The following ANO10 variants were observed in gnomAD, a reference collection of about 807,000 sequenced individuals.
ANO10 encodes anoctamin 10, also known as anoctamin-10.
ANO10 carries 77 observed loss-of-function variants against 74.7 expected under a neutral mutation model. That is an observed-to-expected ratio of 1.03 (90% CI 0.86 to 1.25). ANO10 has a LOEUF of 1.25. Among genes scored for constraint, ANO10 ranks in the 50% most tolerant of loss-of-function variants. The pLI is 0.00. For synonymous variants in ANO10, 279 were observed against 284.9 expected (o/e 0.98, Z 0.21); for missense variants, 721 against 778.1 (o/e 0.93, Z 0.87).
intron 11 of ANO10, among the ~76,000 whole-genome samples, chr3:43,544,471 T>C (rs1462834403): frequency 6.6e-6 from 1 of 151,866 alleles, no homozygotes; most frequent in Non-Finnish European, 1.5e-5. Context: ...CTCAGTTTCA[T>C]CTGTACTAAA....
intron 1 of ANO10, among the ~76,000 whole-genome samples, chr3:43,663,730 T>C (rs992400093): frequency 2.0e-5 from 3 of 152,068 alleles, no homozygotes; most frequent in Non-Finnish European, 4.4e-5. Context: ...TCACAAGCAT[T>C]CCTATACACC....
chr3:43,379,699 T>C (rs986018436), intron 12 of ANO10, among the ~76,000 whole-genome samples: 2 of 152,146 alleles, frequency 1.3e-5, no homozygotes, highest in Admixed American at 6.5e-5. Context: ...GTGGGCTGCA[T>C]AGGAGCTGGG....
intron 11 of ANO10, among the ~76,000 whole-genome samples, chr3:43,530,178 T>C (rs1439029213): frequency 6.6e-6 from 1 of 151,882 alleles, no homozygotes; most frequent in African/African-American, 2.4e-5. Context: ...ACCTCAAAGA[T>C]CACAATTAAA....
At chr3:43,457,400 A>G (rs940685555) in intron 11 of ANO10, among the ~76,000 whole-genome samples, 2 of 152,200 alleles carry the variant, frequency 1.3e-5, no homozygotes, top group East Asian at 1.9e-4. Flanking sequence ...GAAACTTACA[A>G]TCGTGGCAGA....
At chr3:43,392,175 A>T (rs1162810680) in intron 12 of ANO10, among the ~76,000 whole-genome samples, 2 of 152,064 alleles carry the variant, frequency 1.3e-5, no homozygotes, top group African/African-American at 2.4e-5. Context: ...TTAAAAAAAA[A>T]TTTTATTGTT....
Position 43,499,355 on chromosome 3 carries a change from T to C in ANO10, c.1797+50365A>G, listed in dbSNP as rs142707812. Among the ~76,000 whole-genome samples, 1,319 of 152,176 alleles carry C rather than the reference T, an allele frequency of 8.7e-3. 12 individuals carry two copies. Among genetic ancestry groups the C allele is most frequent in the Non-Finnish European group, 0.014 (925 of 67,978 alleles). ...GTATAGTTCAAATGATATACCTCCA[T>C]AGAAGTACACTGAATGCTCTAGATG... On this transcript the variant is annotated intron_variant, in intron 11 of 12. Coordinates refer to ENST00000292246, the MANE Select transcript of ANO10 (RefSeq NM_018075.5).
intron 12 of ANO10, among the ~76,000 whole-genome samples, chr3:43,398,829 T>TGAG (rs2092428841): frequency 1.3e-5 from 2 of 152,326 alleles, no homozygotes; most frequent in Non-Finnish European, 2.9e-5. Flanking sequence ...TAATAGTATC[T>TGAG]ATCTCATAGA....
At chr3:43,384,482 G>T (rs2092060131) in intron 12 of ANO10, among the ~76,000 whole-genome samples, 1 of 152,104 alleles carries the variant, frequency 6.6e-6, no homozygotes, top group African/African-American at 2.4e-5. Context: ...GCAAGACTAA[G>T]CAAAAAGAAC....
At chr3:43,548,926 G>A (rs766150182) in intron 11 of ANO10, among the ~76,000 whole-genome samples, 7 of 152,092 alleles carry the variant, frequency 4.6e-5, no homozygotes, top group Non-Finnish European at 1.0e-4. Context: ...ATTATCTATC[G>A]TCCTACAAAT....
At chr3:43,620,370 A>G (rs547714048) in intron 1 of ANO10, among the ~76,000 whole-genome samples, 1 of 152,246 alleles carries the variant, frequency 6.6e-6, no homozygotes, top group African/African-American at 2.4e-5. Flanking sequence ...GTACATTCAT[A>G]TACACAAAAA....
rs893811329 is a variant in ANO10 at position 43,471,122 on chromosome 3, C to G, written c.1798-38395G>C. ...GAAGGATGCTATAATGATTTCTTCTCTTACATAACACTGCTGTGGTGACCC... is the reference window on the plus strand; with the variant it reads ...GAAGGATGCTATAATGATTTCTTCTGTTACATAACACTGCTGTGGTGACCC... On this transcript the variant is annotated intron_variant, in intron 11 of 12. Coordinates refer to ENST00000292246, the MANE Select transcript of ANO10 (RefSeq NM_018075.5). 2.0e-5 allele frequency among the ~76,000 whole-genome samples: 3 copies of G among 152,268 alleles called. No homozygotes were observed. In the East Asian group the frequency reaches 5.8e-4, roughly 29 times the overall value.
At chr3:43,569,223 C>T (rs2080553172) in intron 7 of ANO10, among the ~76,000 whole-genome samples, 1 of 130,120 alleles carries the variant, frequency 7.7e-6, no homozygotes, top group Non-Finnish European at 1.6e-5. Flanking sequence ...GAGTCCAGGA[C>T]CAGATGGATT....
Position 43,396,933 on chromosome 3 carries a change from GT to G in ANO10, c.1915-29960del, listed in dbSNP as rs112552941. On this transcript the variant is annotated intron_variant, in intron 12 of 12. Coordinates refer to ENST00000292246, the MANE Select transcript of ANO10 (RefSeq NM_018075.5). ...GTATTTTTTTGTCTCAGGCATTGTAGTTTTTTTTTTTTTGAGATGGAGTTTC... is the reference window on the plus strand; with the variant it reads ...GTATTTTTTTGTCTCAGGCATTGTAGTTTTTTTTTTTTGAGATGGAGTTTC... Among the ~76,000 whole-genome samples, 83 of 144,514 alleles carry G rather than the reference GT, an allele frequency of 5.7e-4. 1 individual carries two copies. The highest frequency in any genetic ancestry group is 3.6e-3 in the Middle Eastern group (1 of 280). 94.8% of individuals were successfully genotyped at this position (144,514 alleles called of 152,430 possible).
At chr3:43,626,268 T>C (rs544541658), upstream of ANO10, among the ~76,000 whole-genome samples, 1 of 151,232 alleles carries the variant, frequency 6.6e-6, no homozygotes, top group East Asian at 2.0e-4. Context: ...GGTTTCTTGT[T>C]TACATCTCAT....
chr3:43,515,830 T>TG (rs756619997), intron 11 of ANO10, among the ~76,000 whole-genome samples: 1 of 152,144 alleles, frequency 6.6e-6, no homozygotes. Flanking sequence ...TACCCCAGCC[T>TG]GGGGCAAGGT....
At chr3:43,524,765 T>A (rs2078115351) in intron 11 of ANO10, among the ~76,000 whole-genome samples, 1 of 152,152 alleles carries the variant, frequency 6.6e-6, no homozygotes, top group Admixed American at 6.6e-5. Context: ...TCTCAATAAC[T>A]GGCCCTCCTC....
intron 11 of ANO10, among the ~76,000 whole-genome samples, chr3:43,516,952 T>C (rs560807391): frequency 1.3e-5 from 2 of 152,232 alleles, no homozygotes; most frequent in East Asian, 1.9e-4. Context: ...GGAATGGCCA[T>C]GGGGACATGT....
chr3:43,568,670 G>A (rs1205043791), intron 7 of ANO10, among the ~76,000 whole-genome samples: 1 of 149,642 alleles, frequency 6.7e-6, no homozygotes, highest in Non-Finnish European at 1.5e-5. Flanking sequence ...AGAATCTCTG[G>A]GGCGCATTCA....
intron 10 of ANO10, among the ~76,000 whole-genome samples, chr3:43,552,810 T>C (rs752433183): frequency 6.6e-6 from 1 of 151,668 alleles, no homozygotes; most frequent in Admixed American, 6.6e-5. Context: ...ATTTTCTTTT[T>C]GAGATGGAGC....
Sources: allele counts gnomAD v4.1 joint callset (sites outside exome capture counted in the v4.1 genomes callset), GRCh38; gene constraint gnomAD v4.1.1; transcripts MANE v1.5; gene names NCBI Gene and HGNC (gene_info 2026-07-23, HGNC 2026-07-21).